Variants in STOX2 observed in about 807,000 individuals in gnomAD.
STOX2 encodes storkhead box 2.
A neutral mutation model predicts 60.9 loss-of-function variants in STOX2; 28 were observed. The ratio of observed to expected loss-of-function variants is 0.46; its 90% CI spans 0.34 to 0.63. The LOEUF (loss-of-function observed/expected upper bound fraction) is 0.63, where lower values mean the gene tolerates loss of function less well. Ranked by LOEUF, STOX2 falls within the 30% of genes least tolerant of loss-of-function variation. The probability of loss-of-function intolerance (pLI) is 0.01; values close to 1 mark genes in which losing one functional copy is unlikely to be tolerated. For missense variants in STOX2, 1,024 were observed against 1,187.7 expected (o/e 0.86, Z 2.03); for synonymous variants, 472 against 463.9 (o/e 1.02, Z -0.22).
chr4:183,866,215 T>C (rs1740563592), intron 1 of STOX2, among the ~76,000 whole-genome samples: 1 of 152,216 alleles, frequency 6.6e-6, no homozygotes, highest in Non-Finnish European at 1.5e-5. Flanking sequence ...CCTTCTCTTA[T>C]ATCCAGTGCT....
intron 2 of STOX2, among the ~76,000 whole-genome samples, chr4:184,006,120 G>A (rs1443148039): frequency 6.6e-6 from 1 of 152,160 alleles, no homozygotes; most frequent in Non-Finnish European, 1.5e-5. Flanking sequence ...AAGGCCTACA[G>A]TCAGCAAATT....
chr4:183,798,799 G>A (rs1164239541), intron 1 of STOX2: 1 of 984,502 alleles, frequency 1.0e-6, no homozygotes, highest in Admixed American at 6.2e-5. Context: ...GTGCTGCTTT[G>A]ACTTGCTGGT....
At chr4:183,838,644 A>G (rs941033416) in intron 1 of STOX2, among the ~76,000 whole-genome samples, 15 of 152,192 alleles carry the variant, frequency 9.9e-5, no homozygotes, top group Admixed American at 5.9e-4. Context: ...GTGAGTCCCC[A>G]TGTCCTTAAA....
chr4:184,009,159 T>TTTTTTTGTGG lies in STOX2; in HGVS notation c.321_322insTTTTTTGTGG (p.Val108PhefsTer50). 1.4e-6 allele frequency: 1 copy of TTTTTTTGTGG among 702,162 alleles called. No homozygotes were observed. Among genetic ancestry groups the TTTTTTTGTGG allele is most frequent in the Non-Finnish European group, 2.2e-6 (1 of 454,708 alleles). The allele number at this position is 702,162 out of a possible 1,614,324, so 43.5% of individuals were successfully genotyped here. On this transcript the variant is annotated frameshift_variant and splice_region_variant, in exon 3 of 4. Coordinates refer to ENST00000308497, the MANE Select transcript of STOX2 (RefSeq NM_020225.3). LOFTEE classifies it high-confidence loss of function. The surrounding 1 kb of genome is among the most constrained non-coding windows in gnomAD (Gnocchi z 4.0). ...TGGTTTTTTTTTTTTTTTTTTCAGG[T>TTTTTTTGTGG]GTTCCAACGCCAAGCCAAGAAATTC...
upstream of STOX2, among the ~76,000 whole-genome samples, chr4:183,901,548 C>T (rs1437061094): frequency 6.6e-6 from 1 of 151,300 alleles, no homozygotes; most frequent in East Asian, 1.9e-4. Flanking sequence ...ACAAAGGTTC[C>T]AGTTTCTCCA....
In STOX2 at chr4:183,951,444, CTTTTTTTTTTTT is replaced by C. The variant is rs1163579369; in HGVS notation, c.166+44500_166+44511del. Among the ~76,000 whole-genome samples the C allele has an allele frequency of 1.4e-3, 91 of 66,476 alleles. 2 individuals carry two copies. Among genetic ancestry groups the C allele is most frequent in the Non-Finnish European group, 9.9e-4 (36 of 36,498 alleles). The allele number at this position is 66,476 out of a possible 152,430, so 43.6% of individuals were successfully genotyped here. ...TTAGAGGACGACAGTCTCTCTCTCTCTTTTTTTTTTTTTTTTTTTTTTTGGGACGGAGCTTCG... is the reference window on the plus strand; with the variant it reads ...TTAGAGGACGACAGTCTCTCTCTCTCTTTTTTTTTTTGGGACGGAGCTTCG... On this transcript the variant is annotated intron_variant, in intron 1 of 3. Coordinates refer to ENST00000308497, the MANE Select transcript of STOX2 (RefSeq NM_020225.3).
At chr4:183,887,559 A>G (rs570636678) in intron 1 of STOX2, among the ~76,000 whole-genome samples, 1 of 152,278 alleles carries the variant, frequency 6.6e-6, no homozygotes, top group South Asian at 2.1e-4. Flanking sequence ...CTCCCTGCTG[A>G]GCGCCCTGCA....
At chr4:183,969,952 A>G (rs574212509) in intron 1 of STOX2, among the ~76,000 whole-genome samples, 3 of 152,192 alleles carry the variant, frequency 2.0e-5, no homozygotes, top group South Asian at 4.2e-4. Context: ...TTAAATTTAC[A>G]TATCTTGTGT....
chr4:183,874,950 AAAATATATATATATATATATATATAT>A (rs1740787399), intron 1 of STOX2, among the ~76,000 whole-genome samples: 11 of 60,284 alleles, frequency 1.8e-4, no homozygotes, highest in South Asian at 7.6e-4. Context: ...AAAAAAAAAA[AAAATATATATATATATATATATATAT>A]ATATATATAT....
At chr4:183,903,520 CAT>C (rs1741509307), upstream of STOX2, among the ~76,000 whole-genome samples, 2 of 152,190 alleles carry the variant, frequency 1.3e-5, no homozygotes, top group Non-Finnish European at 2.9e-5. Flanking sequence ...GCTGCAGGGT[CAT>C]GTGTGGTGTT....
Position 184,009,870 on chromosome 4 carries a change from G to T in STOX2, c.1032G>T (p.Arg344Ser). ...MKKLEEEKAQ[R>S]SKAGSSAHHS... ...AACTGGAAGAAGAAAAGGCCCAGAG[G>T]AGTAAAGCCGGGTCCTCTGCCCATC... The change falls in exon 3 of 4, where the codon AGG (arginine) becomes AGT (serine). Residue 344 changes from arginine to serine, a missense_variant. This residue lies in a region of STOX2 where 922 missense variants were observed against 1,058.3 expected (regional missense o/e 0.87). Transcript: ENST00000308497. The surrounding 1 kb of genome is among the most constrained non-coding windows in gnomAD (Gnocchi z 4.0). 1 of 1,611,796 alleles carries T rather than the reference G, an allele frequency of 6.2e-7. No homozygotes were observed. The highest frequency in any genetic ancestry group is 8.5e-7 in the Non-Finnish European group (1 of 1,178,942).
At chr4:183,977,546 C>CGTGTGTGTGTGTGTGTGTGT (rs56043761) in intron 1 of STOX2, among the ~76,000 whole-genome samples, 24,075 of 147,660 alleles carry the variant, frequency 0.16, 2,381 homozygotes, top group Non-Finnish European at 0.22. Context: ...CATTCCATTT[C>CGTGTGTGTGTGTGTGTGTGT]GTGTGTGTGT....
chr4:183,893,797 A>C (rs1446131734), intron 1 of STOX2, among the ~76,000 whole-genome samples: 1 of 152,212 alleles, frequency 6.6e-6, no homozygotes, highest in African/African-American at 2.4e-5. Context: ...CTTTCCCTGA[A>C]AAGTAGAGTG....
intron 1 of STOX2, among the ~76,000 whole-genome samples, chr4:183,879,854 A>G (rs930585145): frequency 1.3e-5 from 2 of 152,020 alleles, no homozygotes; most frequent in Non-Finnish European, 2.9e-5. Context: ...GGGATGGCGC[A>G]TGGCAATGAG....
At chr4:183,813,548 C>T (rs373529386) in intron 1 of STOX2, among the ~76,000 whole-genome samples, 44 of 152,258 alleles carry the variant, frequency 2.9e-4, no homozygotes, top group Middle Eastern at 6.8e-3. Flanking sequence ...CGTGGATTTT[C>T]GTATTCTTGG....
rs76114088 is a variant in STOX2, at chr4:183,852,824, C to A, written c.364+54769C>A. Among the ~76,000 whole-genome samples the A allele has an allele frequency of 8.8e-3, 1,337 of 152,290 alleles. 22 individuals carry two copies. The highest frequency in any genetic ancestry group is 0.031 in the African/African-American group (1,283 of 41,552). Reference sequence around the variant, plus strand: ...AGCGTAAGTAGTAGAGAGTAGAAATCTATAAGTTCCTGATGGTCAAAATGG... The same window carrying A: ...AGCGTAAGTAGTAGAGAGTAGAAATATATAAGTTCCTGATGGTCAAAATGG... On this transcript the variant is annotated intron_variant, in intron 1 of 2. Coordinates refer to the STOX2 transcript ENST00000513034.
At chr4:183,898,696 T>C (rs1741395182) in intron 1 of STOX2, among the ~76,000 whole-genome samples, 1 of 152,050 alleles carries the variant, frequency 6.6e-6, no homozygotes, top group Non-Finnish European at 1.5e-5. Context: ...GAGGAGAGCC[T>C]GTAGAGAGTG....
intron 1 of STOX2, among the ~76,000 whole-genome samples, chr4:183,871,300 T>C (rs140719248): frequency 2.0e-5 from 3 of 152,346 alleles, no homozygotes; most frequent in African/African-American, 7.2e-5. Flanking sequence ...AGCAAATGTC[T>C]TTCTTCTTTG....
At chr4:183,816,447 T>C (rs893175123) in intron 1 of STOX2, among the ~76,000 whole-genome samples, 1 of 152,050 alleles carries the variant, frequency 6.6e-6, no homozygotes, top group African/African-American at 2.4e-5. Flanking sequence ...AGCAAAACAA[T>C]GGGTACACAT....
Sources: gnomAD v4.1 joint callset for allele counts (sites outside exome capture counted in the v4.1 genomes callset) on GRCh38, gnomAD v4.1.1 for gene constraint, gnomAD v4.1.1 regional missense constraint, Gnocchi (gnomAD v3.1) non-coding constraint, MANE v1.5 for transcripts, NCBI Gene and HGNC (gene_info 2026-07-23, HGNC 2026-07-21) for gene names.